DAB1: variants seen among roughly 807,000 people sequenced by gnomAD.
DAB1 encodes DAB adaptor protein 1, also known as disabled homolog 1.
A neutral mutation model predicts 64.6 loss-of-function variants in DAB1; 15 were observed. The ratio of observed to expected loss-of-function variants is 0.23; its 90% CI spans 0.16 to 0.36. The LOEUF (loss-of-function observed/expected upper bound fraction) is 0.36, where lower values mean the gene tolerates loss of function less well. DAB1 is among the 10% of genes least tolerant of loss of function. DAB1 has a pLI of 1.00. For synonymous variants in DAB1, 235 were observed against 251.9 expected, an observed-to-expected ratio of 0.93 and a Z score of 0.64; for missense variants, 596 against 706.7, an observed-to-expected ratio of 0.84 and a Z score of 1.78.
At chr1:58,138,677 A>G (rs1654090860) in intron 5 of DAB1, among the ~76,000 whole-genome samples, 2 of 152,208 alleles carry the variant, frequency 1.3e-5, no homozygotes, top group Admixed American at 1.3e-4. Flanking sequence ...ACAATGCAAT[A>G]AAGTCTGTAC....
intron 1 of DAB1, among the ~76,000 whole-genome samples, chr1:57,423,531 C>A (rs1309095546): frequency 1.3e-5 from 2 of 152,068 alleles, no homozygotes; most frequent in East Asian, 3.9e-4. Flanking sequence ...GAGCCCAGGA[C>A]AGCGGGAGAA....
intron 3 of DAB1, among the ~76,000 whole-genome samples, chr1:58,408,507 A>C (rs1376549773): frequency 6.6e-6 from 1 of 152,210 alleles, no homozygotes; most frequent in East Asian, 1.9e-4. Flanking sequence ...TCATTGATCT[A>C]TCCGTAGTGT....
intron 3 of DAB1, among the ~76,000 whole-genome samples, chr1:58,390,695 T>C (rs733986): frequency 0.2 from 30,032 of 152,192 alleles, 3,301 homozygotes; most frequent in East Asian, 0.32. Flanking sequence ...GCTTCATATA[T>C]GCCAGGCCCT....
chr1:57,273,612 T>A (rs12039421), intron 2 of DAB1, among the ~76,000 whole-genome samples: 4 of 91,772 alleles, frequency 4.4e-5, no homozygotes, highest in Non-Finnish European at 8.6e-5. Flanking sequence ...CCTTCCTTCC[T>A]TCCCTCCCTC....
chr1:57,706,207 T>A (rs1317642406), intron 6 of DAB1, among the ~76,000 whole-genome samples: 8 of 152,116 alleles, frequency 5.3e-5, no homozygotes, highest in Non-Finnish European at 8.8e-5. Flanking sequence ...TAAAAAATCA[T>A]GTTTGTTAAT....
At chr1:58,000,763 G>A (rs1288923260) in intron 5 of DAB1, among the ~76,000 whole-genome samples, 2 of 151,646 alleles carry the variant, frequency 1.3e-5, no homozygotes, top group African/African-American at 4.8e-5. Flanking sequence ...TAGGGTCGGG[G>A]TTTCACCATG....
chr1:57,201,430 G>A lies in DAB1; in HGVS notation c.68-56001C>T, dbSNP rs17115345. ...CCTTCTCTCGGTGTCTGAGGGCACAGTTTCTTTATCCCTGCCACTTACCAT... is the reference window on the plus strand; with the variant it reads ...CCTTCTCTCGGTGTCTGAGGGCACAATTTCTTTATCCCTGCCACTTACCAT... On this transcript the variant is annotated intron_variant, in intron 2 of 14. Coordinates refer to ENST00000371236, the MANE Select transcript of DAB1 (RefSeq NM_001365792.1). 4.1e-3 allele frequency among the ~76,000 whole-genome samples: 619 copies of A among 151,832 alleles called. 3 individuals carry two copies. The highest frequency in any genetic ancestry group is 0.014 in the African/African-American group (582 of 41,400).
chr1:57,118,685 T>C (rs1160052687), intron 4 of DAB1, among the ~76,000 whole-genome samples: 2 of 152,228 alleles, frequency 1.3e-5, no homozygotes, highest in African/African-American at 4.8e-5. Context: ...ATGACTGGTT[T>C]TTTTATTTGT....
intron 3 of DAB1, among the ~76,000 whole-genome samples, chr1:58,353,719 A>G (rs1382272497): frequency 6.6e-6 from 1 of 152,208 alleles, no homozygotes; most frequent in African/African-American, 2.4e-5. Context: ...TATTCATCAA[A>G]AAGGAAAAAG....
intron 7 of DAB1, among the ~76,000 whole-genome samples, chr1:57,435,943 G>A (rs1224099522): frequency 7.3e-6 from 1 of 136,466 alleles, no homozygotes; most frequent in East Asian, 2.1e-4. Context: ...TTGAGATGGA[G>A]TCTCGCTCTG....
At chr1:57,660,479 C>A (rs973675969) in intron 6 of DAB1, among the ~76,000 whole-genome samples, 1 of 152,140 alleles carries the variant, frequency 6.6e-6, no homozygotes, top group Non-Finnish European at 1.5e-5. Context: ...TGTTGTAAAC[C>A]TTTTGTATAC....
intron 11 of DAB1, among the ~76,000 whole-genome samples, chr1:57,022,102 C>T (rs796885291): frequency 3.3e-5 from 5 of 152,308 alleles, no homozygotes; most frequent in African/African-American, 1.2e-4. Context: ...TGGACTAGCA[C>T]ATCCCAAGCA....
chr1:57,166,200 T>TA (rs569443106), intron 2 of DAB1, among the ~76,000 whole-genome samples: 4 of 152,234 alleles, frequency 2.6e-5, no homozygotes, highest in South Asian at 4.1e-4. Flanking sequence ...GATGAGGAGT[T>TA]AAAAAAGCTT....
At chr1:57,248,688 A>C (rs1669087362) in intron 2 of DAB1, among the ~76,000 whole-genome samples, 1 of 152,194 alleles carries the variant, frequency 6.6e-6, no homozygotes, top group Admixed American at 6.5e-5. Context: ...AAATCTTTGC[A>C]ATTCCCTGAT....
At chr1:58,431,230 T>C (rs891994387) in intron 3 of DAB1, among the ~76,000 whole-genome samples, 1 of 151,974 alleles carries the variant, frequency 6.6e-6, no homozygotes, top group African/African-American at 2.4e-5. Flanking sequence ...CAAGAGCTAA[T>C]GCCAGTGATG....
intron 7 of DAB1, among the ~76,000 whole-genome samples, chr1:57,465,201 C>G (rs182441663): frequency 6.6e-6 from 1 of 152,318 alleles, no homozygotes; most frequent in East Asian, 1.9e-4. Flanking sequence ...GCCCAGCAGT[C>G]AAAGCTACTT....
chr1:57,587,556 C>A (rs1006797299), intron 7 of DAB1, among the ~76,000 whole-genome samples: 3 of 152,134 alleles, frequency 2.0e-5, no homozygotes, highest in Non-Finnish European at 4.4e-5. Flanking sequence ...AATTCTCTCA[C>A]CCCCTCAATT....
chr1:58,444,339 G>A (rs974381058), intron 3 of DAB1, among the ~76,000 whole-genome samples: 4 of 152,196 alleles, frequency 2.6e-5, no homozygotes, highest in Non-Finnish European at 2.9e-5. Context: ...TCACATCAAC[G>A]GTATAAGGTA....
chr1:57,144,748 A>G (rs920710489), intron 3 of DAB1, among the ~76,000 whole-genome samples: 5 of 152,084 alleles, frequency 3.3e-5, no homozygotes, highest in South Asian at 4.1e-4. Flanking sequence ...CCTCAGAGAA[A>G]AGGCTTCTTT....
Sources: allele counts gnomAD v4.1 joint callset (sites outside exome capture counted in the v4.1 genomes callset), GRCh38; gene constraint gnomAD v4.1.1; transcripts MANE v1.5; gene names NCBI Gene and HGNC (gene_info 2026-07-23, HGNC 2026-07-21).